The following ACO2 variants were observed in gnomAD, a reference collection of about 807,000 sequenced individuals.
ACO2 encodes the protein aconitase 2, also known as aconitate hydratase, mitochondrial.
A neutral mutation model predicts 84.5 loss-of-function variants in ACO2; 31 were observed. That is an observed-to-expected ratio of 0.37 (90% CI 0.28 to 0.50). The LOEUF (loss-of-function observed/expected upper bound fraction) is 0.50. Ranked by LOEUF, ACO2 falls within the 20% of genes least tolerant of loss-of-function variation. The pLI, the probability that ACO2 is intolerant of heterozygous loss-of-function variation, is 0.97. For missense variants in ACO2, 685 were observed against 1,029.3 expected (o/e 0.67, Z 4.58); for synonymous variants, 414 against 412.7 (o/e 1.00, Z -0.04).
rs556119398 is a variant in ACO2, at chr22:41,490,253, G to T, written c.37-9473G>T. On this transcript the variant is annotated intron_variant, in intron 1 of 17. Coordinates refer to ENST00000216254, the MANE Select transcript of ACO2 (RefSeq NM_001098.3). ...AGGCAGGAGAATCGCTTAAACCCGGGAGGCGGAGGTTGCAGCCAGCCGAGA... is the reference window on the plus strand; with the variant it reads ...AGGCAGGAGAATCGCTTAAACCCGGTAGGCGGAGGTTGCAGCCAGCCGAGA... Among the ~76,000 whole-genome samples, 4 of 152,294 alleles carry T rather than the reference G, an allele frequency of 2.6e-5. No individual in the cohort carries two copies. The East Asian group carries it at 7.7e-4, about 29-fold the overall frequency.
chr22:41,506,621 G>A (rs1021044689), intron 2 of ACO2, among the ~76,000 whole-genome samples: 13 of 152,026 alleles, frequency 8.6e-5, no homozygotes, highest in South Asian at 2.1e-4. Context: ...GGCCTCAAGC[G>A]ATCCTCCTGC....
intron 6 of ACO2, chr22:41,516,230 G>A: frequency 1.7e-6 from 1 of 592,054 alleles, no homozygotes; most frequent in Non-Finnish European, 3.0e-6. Flanking sequence ...AGGCCACCTT[G>A]GGTGATCTAG....
intron 1 of ACO2, among the ~76,000 whole-genome samples, chr22:41,484,810 T>G (rs1004039784): frequency 6.6e-6 from 1 of 151,932 alleles, no homozygotes; most frequent in Middle Eastern, 3.2e-3. Context: ...GTGAGGAAAT[T>G]GGGGTGAAAT....
rs2066486934 is a variant in ACO2 at position 41,517,719 on chromosome 22, A to AG, written c.940+92dup. 12 of 1,229,004 alleles carry AG rather than the reference A, an allele frequency of 9.8e-6. No individual in the cohort carries two copies. The South Asian group carries it at 1.4e-4, about 14-fold the overall frequency. The allele number at this position is 1,229,004 out of a possible 1,614,324, so 76.1% of individuals were successfully genotyped here. ...AGAGCTATGCCTTTCCCTGTAGGGC[A>AG]GGGGTTCTTAACCCATTGTCTCCAG... On this transcript the variant is annotated intron_variant, in intron 7 of 17. Transcript: ENST00000216254.
intron 2 of ACO2, among the ~76,000 whole-genome samples, chr22:41,501,675 G>A (rs955606400): frequency 3.3e-5 from 5 of 152,160 alleles, no homozygotes. Context: ...CTGAGGCTCA[G>A]CTGGAGAAGG....
At chr22:41,508,154 C>A in intron 3 of ACO2, 105 bp downstream of exon 3, 1 of 1,387,882 alleles carries the variant, frequency 7.2e-7, no homozygotes, top group Non-Finnish European at 9.8e-7. Context: ...ATTCTCACAC[C>A]TCTTTGGATT....
intron 8 of ACO2, among the ~76,000 whole-genome samples, chr22:41,519,493 T>G (rs536473458): frequency 6.6e-6 from 1 of 152,272 alleles, no homozygotes; most frequent in African/African-American, 2.4e-5. Context: ...GCGTCTGGCC[T>G]TAAGTCCATT....
At chr22:41,487,576 C>T (rs2066237571) in intron 1 of ACO2, among the ~76,000 whole-genome samples, 1 of 152,072 alleles carries the variant, frequency 6.6e-6, no homozygotes, top group East Asian at 1.9e-4. Flanking sequence ...TGAATTCTGC[C>T]CCTAACTTCT....
chr22:41,524,757 T>C, intron 12 of ACO2, 89 bp from the exon 13 acceptor site: 1 of 1,583,754 alleles, frequency 6.3e-7, no homozygotes, highest in Non-Finnish European at 8.6e-7. Flanking sequence ...CCTGGGTTCC[T>C]TTCTCAGTTT....
chr22:41,508,528 G>GT (rs1449589565), intron 3 of ACO2, among the ~76,000 whole-genome samples: 5 of 152,236 alleles, frequency 3.3e-5, no homozygotes, highest in Admixed American at 6.5e-5. Context: ...CTTGAGTTCT[G>GT]TAACTACATG....
rs1039784701 is a variant in ACO2, at chr22:41,517,862, C to T, written c.940+231C>T. Among the ~76,000 whole-genome samples the T allele has an allele frequency of 2.6e-5, 4 of 152,250 alleles. No homozygotes were observed. In the East Asian group the frequency reaches 5.8e-4, roughly 22 times the overall value. ...GGCATCTGAGTTCAAGATAGCCCCA[C>T]CTCAGGATGGGCATTTCATTTTCCC... is the stretch of plus-strand genomic sequence containing the variant. On this transcript the variant is annotated intron_variant, in intron 7 of 17. Transcript: ENST00000216254.
chr22:41,475,860 T>G (rs2038007183), intron 1 of ACO2, among the ~76,000 whole-genome samples: 1 of 147,478 alleles, frequency 6.8e-6, no homozygotes, highest in Non-Finnish European at 1.5e-5. Context: ...ATCGCGCCAC[T>G]GCACTCCAGC....
At chr22:41,505,280 T>C (rs1278383426) in intron 2 of ACO2, among the ~76,000 whole-genome samples, 1 of 151,942 alleles carries the variant, frequency 6.6e-6, no homozygotes, top group Admixed American at 6.6e-5. Context: ...TTAGCCAATG[T>C]GGTGGTGCGT....
At chr22:41,472,382 T>A in intron 1 of ACO2, among the ~76,000 whole-genome samples, 1 of 151,722 alleles carries the variant, frequency 6.6e-6, no homozygotes, top group Non-Finnish European at 1.5e-5. Flanking sequence ...TGCCTGGGGC[T>A]TTATCAGTAG....
At chr22:41,505,369 A>G (rs112992351) in intron 2 of ACO2, among the ~76,000 whole-genome samples, 6 of 152,192 alleles carry the variant, frequency 3.9e-5, no homozygotes, top group African/African-American at 9.6e-5. Context: ...GTGAGCTACA[A>G]TTGTGCCACT....
At chr22:41,508,235 ATACAGAGGAAGCC>A (rs2066408816) in intron 3 of ACO2, among the ~76,000 whole-genome samples, 186 bp downstream of exon 3, 1 of 152,264 alleles carries the variant, frequency 6.6e-6, no homozygotes. Flanking sequence ...ATGTTAAAAA[ATACAGAGGAAGCC>A]TAAAGAAAGA....
In ACO2 at chr22:41,528,774, G is replaced by T. The variant is rs55968005; in HGVS notation, c.*161G>T. ...CACGGAGTGACTGTGGTTGTGGTGG[G>T]GGGGTTCTTAAAATAACTTTTTAGC... is the stretch of plus-strand genomic sequence containing the variant. On this transcript the variant is annotated 3_prime_UTR_variant, in exon 18 of 18. Coordinates refer to ENST00000216254, the MANE Select transcript of ACO2 (RefSeq NM_001098.3). 2,796 of 1,083,130 alleles carry T rather than the reference G, an allele frequency of 2.6e-3. 52 individuals are homozygous for T. In the African/African-American group the frequency reaches 0.04, roughly 16 times the overall value. The allele number at this position is 1,083,130 out of a possible 1,614,324, so 67.1% of individuals were successfully genotyped here.
At chr22:41,489,664 A>G (rs981532991) in intron 1 of ACO2, among the ~76,000 whole-genome samples, 20 of 151,172 alleles carry the variant, frequency 1.3e-4, no homozygotes, top group Admixed American at 1.1e-3. Context: ...GATGCAGGTT[A>G]AACATTCTGG....
intron 3 of ACO2, among the ~76,000 whole-genome samples, chr22:41,510,332 G>C (rs567211688): frequency 5.7e-4 from 86 of 152,180 alleles, no homozygotes; most frequent in African/African-American, 2.0e-3. Context: ...GCCCAGACAC[G>C]ACCACAGCCT....
Sources: gnomAD v4.1 joint callset for allele counts (sites outside exome capture counted in the v4.1 genomes callset) on GRCh38, gnomAD v4.1.1 for gene constraint, MANE v1.5 for transcripts, NCBI Gene and HGNC (gene_info 2026-07-23, HGNC 2026-07-21) for gene names.